Variants in CLTRN observed in about 807,000 individuals in gnomAD.
CLTRN encodes collectrin.
A neutral mutation model predicts 14.5 loss-of-function variants in CLTRN; 12 were observed. That is an observed-to-expected ratio of 0.83 (90% CI 0.53 to 1.34). The LOEUF (loss-of-function observed/expected upper bound fraction) is 1.34. Ranked by LOEUF, CLTRN falls within the 40% of genes most tolerant of loss-of-function variation. CLTRN has a pLI of 0.00. For missense variants in CLTRN, 154 were observed against 165.1 expected, an observed-to-expected ratio of 0.93 and a Z score of 0.37; for synonymous variants, 58 against 56.5, an observed-to-expected ratio of 1.03 and a Z score of -0.12.
intron 4 of CLTRN, 130 bp from the exon 5 acceptor site, chrX:15,639,886 C>G: frequency 1.5e-6 from 1 of 658,609 alleles, no homozygotes; most frequent in Non-Finnish European, 2.2e-6. Context: ...CAGGAGACTT[C>G]AAGTTGACTA....
chrX:15,631,416 C>T (rs141207412), intron 5 of CLTRN, among the ~76,000 whole-genome samples: 2,916 of 107,071 alleles, frequency 0.027, 78 homozygotes, highest in African/African-American at 0.091. Flanking sequence ...TTGCCAGGGC[C>T]TATTTTCCAG....
At chrX:15,660,396 C>A (rs761322193) in intron 2 of CLTRN, among the ~76,000 whole-genome samples, 2 of 110,691 alleles carry the variant, frequency 1.8e-5, no homozygotes, top group African/African-American at 3.3e-5. Flanking sequence ...CTTAAGTGAT[C>A]CTCCTGCCTT....
chrX:15,639,188 G>T (rs1307127269), intron 5 of CLTRN, among the ~76,000 whole-genome samples: 2 of 112,011 alleles, frequency 1.8e-5, no homozygotes, highest in Non-Finnish European at 3.8e-5. Flanking sequence ...ATGCAACTAT[G>T]AACCTGCTGG....
At chrX:15,632,573 G>A (rs927347701) in intron 5 of CLTRN, among the ~76,000 whole-genome samples, 2 of 107,474 alleles carry the variant, frequency 1.9e-5, no homozygotes, top group Non-Finnish European at 3.8e-5. Flanking sequence ...GTGAGACTCC[G>A]TCTCAAAATA....
intron 3 of CLTRN, among the ~76,000 whole-genome samples, chrX:15,655,827 A>T (rs951582888): frequency 8.9e-6 from 1 of 111,894 alleles, no homozygotes; most frequent in African/African-American, 3.3e-5. Context: ...TCCAGAAAAT[A>T]TTATGCCAGT....
intron 1 of CLTRN, among the ~76,000 whole-genome samples, chrX:15,671,844 GCACA>G (rs199900262): frequency 0.21 from 18,959 of 89,738 alleles, 1,354 homozygotes; most frequent in East Asian, 0.51. Context: ...TTTTATGCGC[GCACA>G]CACACACACA....
chrX:15,629,854 C>A (rs772707719), intron 5 of CLTRN, among the ~76,000 whole-genome samples: 2 of 112,069 alleles, frequency 1.8e-5, no homozygotes, highest in African/African-American at 6.5e-5. Context: ...ACAAGTCTCT[C>A]CTGATGTGAT....
At chrX:15,630,396 G>C (rs1928667312) in intron 5 of CLTRN, among the ~76,000 whole-genome samples, 1 of 109,528 alleles carries the variant, frequency 9.1e-6, no homozygotes, top group Admixed American at 9.8e-5. Flanking sequence ...AGGAAGGAAG[G>C]AAGGAAGGAA....
At chrX:15,649,662 T>A (rs1042059629) in intron 3 of CLTRN, among the ~76,000 whole-genome samples, 1 of 110,769 alleles carries the variant, frequency 9.0e-6, no homozygotes, top group African/African-American at 3.3e-5. Context: ...ACACTGATTA[T>A]CTCTCTTCCC....
chrX:15,645,005 A>G lies in CLTRN; in HGVS notation c.228T>C (p.Asn76=). Residue 76 remains asparagine, a synonymous_variant, in exon 4 of 6, where the codon AAT becomes AAC. Coordinates refer to ENST00000380342, the MANE Select transcript of CLTRN (RefSeq NM_020665.6). ...ACCAGAATGATACCCTCTGGGTTAC[A>G]TTGCAAAGTAGGACATGGGAAATTC... ...ATEISHVLLC[N]VTQRVSFWFV... The G allele has an allele frequency of 1.7e-6, 2 of 1,198,069 alleles. No homozygotes were observed. The highest frequency in any genetic ancestry group is 1.8e-5 in the South Asian group (1 of 54,297).
intron 2 of CLTRN, among the ~76,000 whole-genome samples, chrX:15,660,640 C>G (rs1161912929): frequency 9.7e-6 from 1 of 103,424 alleles, no homozygotes; most frequent in Non-Finnish European, 2.0e-5. Flanking sequence ...CCCATCTCTA[C>G]CAAAAAAAAA....
At chrX:15,658,564 A>G (rs1929427163) in intron 3 of CLTRN, among the ~76,000 whole-genome samples, 1 of 112,414 alleles carries the variant, frequency 8.9e-6, no homozygotes, top group Admixed American at 9.4e-5. Flanking sequence ...CAGACAAAAA[A>G]TATAAAACTA....
intron 1 of CLTRN, among the ~76,000 whole-genome samples, chrX:15,670,308 A>AACAC (rs753295306): frequency 0.09 from 7,748 of 86,110 alleles, 338 homozygotes; most frequent in Admixed American, 0.15. Flanking sequence ...CCAAAAACAA[A>AACAC]ACACACACAC....
chrX:15,669,236 C>T (rs1421324744), upstream of CLTRN, among the ~76,000 whole-genome samples: 2 of 111,889 alleles, frequency 1.8e-5, no homozygotes, highest in Non-Finnish European at 3.8e-5. Context: ...AAATTTAGTG[C>T]TTGTCTTGAT....
Position 15,644,906 on chromosome X carries a change from G to A in CLTRN, c.317+10C>T. 2 of 1,130,232 alleles carry A rather than the reference G, an allele frequency of 1.8e-6. No individual in the cohort carries two copies. The highest frequency in any genetic ancestry group is 2.4e-6 in the Non-Finnish European group (2 of 836,378). The allele number at this position is 1,130,232 out of a possible 1,213,427, so 93.1% of individuals were successfully genotyped here. On this transcript the variant is annotated intron_variant, in intron 4 of 5. Coordinates refer to ENST00000380342, the MANE Select transcript of CLTRN (RefSeq NM_020665.6). ...ATTGACTAATAGAAGGCATATTTAA[G>A]GGTGATTACCTTATGGCTGATTGCA...
intron 4 of CLTRN, 63 bp downstream of exon 4, chrX:15,644,853 A>T: frequency 1.4e-6 from 1 of 713,713 alleles, no homozygotes; most frequent in South Asian, 2.8e-5. Context: ...ATCTATTTTT[A>T]AAAACAGTTG....
intron 3 of CLTRN, among the ~76,000 whole-genome samples, chrX:15,655,261 C>T (rs1383836163): frequency 8.9e-6 from 1 of 112,144 alleles, no homozygotes; most frequent in East Asian, 2.8e-4. Context: ...AAGGAAAGGC[C>T]AAATTATTCT....
At chrX:15,655,617 T>C (rs1929337623) in intron 3 of CLTRN, among the ~76,000 whole-genome samples, 1 of 111,502 alleles carries the variant, frequency 9.0e-6, no homozygotes, top group African/African-American at 3.3e-5. Flanking sequence ...AAAAAACTGC[T>C]CTCTCTCTCC....
intron 4 of CLTRN, among the ~76,000 whole-genome samples, chrX:15,644,666 AAAATGTCTCCAGACATTGCG>A (rs1186070413): frequency 5.4e-5 from 6 of 111,892 alleles, no homozygotes; most frequent in South Asian, 7.4e-4. Flanking sequence ...TGTGACAATA[AAAATGTCTCCAGACATTGCG>A]AAATGTCTCC....
Sources: allele counts gnomAD v4.1 joint callset (sites outside exome capture counted in the v4.1 genomes callset), GRCh38; gene constraint gnomAD v4.1.1; transcripts MANE v1.5; gene names NCBI Gene and HGNC (gene_info 2026-07-23, HGNC 2026-07-21).